Variants in ELANE observed in about 807,000 individuals in gnomAD.
ELANE encodes the protein elastase, neutrophil expressed.
Under a neutral mutation model 20.6 loss-of-function variants are expected in ELANE, and 12 were observed. The ratio of observed to expected loss-of-function variants is 0.58; its 90% CI spans 0.37 to 0.94. The LOEUF is 0.94. Ranked by LOEUF, ELANE falls within the 40% of genes least tolerant of loss-of-function variation. The pLI is 0.01. For missense variants in ELANE, 388 were observed against 395.2 expected (o/e 0.98, Z 0.15); for synonymous variants, 203 against 177.4 (o/e 1.14, Z -1.15).
chr19:852,431 T>A, intron 1 of ELANE, 36 bp downstream of exon 1: 1 of 1,595,364 alleles, frequency 6.3e-7, no homozygotes, highest in Non-Finnish European at 8.5e-7. Context: ...CTGCTCCCTC[T>A]GTCCCGGGTT....
chr19:852,547 G>C lies in ELANE; in HGVS notation c.67+152G>C, dbSNP rs962839064. ...ACCAGAAGAGACTGAGGTTCTGAGCGGTGAAGCCACCACCAGGAGCCCAGA... is the reference window on the plus strand; with the variant it reads ...ACCAGAAGAGACTGAGGTTCTGAGCCGTGAAGCCACCACCAGGAGCCCAGA... On this transcript the variant is annotated intron_variant, in intron 1 of 4. Transcript: ENST00000263621. 6.6e-6 allele frequency: 6 copies of C among 912,112 alleles called. No homozygotes were observed. In the African/African-American group the frequency reaches 7.0e-5, roughly 11 times the overall value. The allele number at this position is 912,112 out of a possible 1,614,324, so 56.5% of individuals were successfully genotyped here.
At position 853,293 on chromosome 19, in the gene ELANE, G is replaced by T. The variant is rs1599291445; in HGVS notation, c.256G>T (p.Ala86Ser). The change falls in exon 3 of 5, where the codon GCC becomes TCC. Residue 86 changes from alanine to serine, a missense_variant. Transcript: ENST00000263621. ...CCGCGCGGTGCGGGTGGTCCTGGGA[G>T]CCCATAACCTCTCGCGGCGGGAGCC... is the stretch of plus-strand genomic sequence containing the variant. ...NVRAVRVVLGAHNLSRREPTR... is the reference protein window; with the variant it reads ...NVRAVRVVLGSHNLSRREPTR... 1 of 1,609,890 alleles carries T rather than the reference G, an allele frequency of 6.2e-7. No individual in the cohort carries two copies. The highest frequency in any genetic ancestry group is 8.5e-7 in the Non-Finnish European group (1 of 1,178,568).
At chr19:853,063 C>T in intron 2 of ELANE, 31 bp downstream of exon 2, 1 of 1,493,680 alleles carries the variant, frequency 6.7e-7, no homozygotes, top group Non-Finnish European at 8.9e-7. Flanking sequence ...GCGCCCGGCT[C>T]GGACCCCGCG....
intron 3 of ELANE, among the ~76,000 whole-genome samples, chr19:854,594 T>C (rs1450221213): frequency 6.6e-6 from 1 of 150,632 alleles, no homozygotes; most frequent in Non-Finnish European, 1.5e-5. Context: ...GGGGGGTAGC[T>C]GGAACCACAG....
At position 852,926 on chromosome 19, in the gene ELANE, G is replaced by A. The variant is rs1004780968; in HGVS notation, c.118G>A (p.Ala40Thr). ...IVGGRRARPH[A>T]WPFMVSLQLR... The stretch of plus-strand genomic sequence containing the variant: ...GGGGGGCCGGCGAGCGCGGCCCCAC[G>A]CGTGGCCCTTCATGGTGTCCCTGCA... The change falls in exon 2 of 5, where the codon GCG becomes ACG. Residue 40 changes from alanine to threonine, a missense_variant. Transcript: ENST00000263621. The A allele has an allele frequency of 3.8e-6, 6 of 1,596,838 alleles. No homozygotes were observed. Among genetic ancestry groups the A allele is most frequent in the Non-Finnish European group, 4.2e-6 (5 of 1,177,566 alleles).
At position 855,011 on chromosome 19, in the gene ELANE, G is replaced by A. The variant is rs907503607; in HGVS notation, c.367-553G>A. ...TGGGACTACAGGCGCCCGCCACCAC[G>A]CCTGGCTAATTTTTGGTATTGTTAG... On this transcript the variant is annotated intron_variant, in intron 3 of 4. Coordinates refer to ENST00000263621, the MANE Select transcript of ELANE (RefSeq NM_001972.4). The surrounding 1 kb of genome is among the most constrained non-coding windows in gnomAD (Gnocchi z 6.2). 2.0e-5 allele frequency among the ~76,000 whole-genome samples: 3 copies of A among 151,672 alleles called. No homozygotes were observed. Among genetic ancestry groups the A allele is most frequent in the Non-Finnish European group, 2.9e-5 (2 of 67,918 alleles).
intron 2 of ELANE, 62 bp downstream of exon 2, chr19:853,094 G>A (rs867165533): frequency 5.3e-6 from 8 of 1,517,106 alleles, no homozygotes; most frequent in Admixed American, 2.0e-5. Flanking sequence ...TGAGGTGGGT[G>A]GGGGGAGGCC....
rs747957936 is a variant in ELANE at position 856,132 on chromosome 19, C to A, written c.772C>A (p.Arg258=). 1 of 1,612,892 alleles carries A rather than the reference C, an allele frequency of 6.2e-7. No individual in the cohort carries two copies. Among genetic ancestry groups the A allele is most frequent in the Non-Finnish European group, 8.5e-7 (1 of 1,180,040 alleles). ...RSEDNPCPHP[R]DPDPASRTH ...CGAGGACAACCCCTGTCCCCACCCCCGGGACCCGGACCCGGCCAGCAGGAC... is the reference window on the plus strand; with the variant it reads ...CGAGGACAACCCCTGTCCCCACCCCAGGGACCCGGACCCGGCCAGCAGGAC... Residue 258 remains arginine, a synonymous_variant, in exon 5 of 5, where the codon CGG becomes AGG. Coordinates refer to ENST00000263621, the MANE Select transcript of ELANE (RefSeq NM_001972.4).
rs182347433 is a variant in ELANE at position 852,344 on chromosome 19, C to A, written c.16C>A (p.Arg6=). ...CAGCCCCACCATGACCCTCGGCCGCCGACTCGCGTGTCTTTTCCTCGCCTG... is the reference window on the plus strand; with the variant it reads ...CAGCCCCACCATGACCCTCGGCCGCAGACTCGCGTGTCTTTTCCTCGCCTG... MTLGR[R]LACLFLACVL... The change falls in exon 1 of 5, where the codon CGA becomes AGA. Residue 6 remains arginine (R), a synonymous_variant. Transcript: ENST00000263621. 3.6e-4 allele frequency: 585 copies of A among 1,610,522 alleles called. 7 individuals are homozygous for A. In the East Asian group the frequency reaches 0.011, roughly 30 times the overall value.
chr19:856,005 T>C lies in ELANE; in HGVS notation c.645T>C (p.Ile215=). ...PLVCNGLIHG[I]ASFVRGGCAS... ...TCTGCAACGGGCTAATCCACGGAATTGCCTCCTTCGTCCGGGGAGGCTGCG... is the reference window on the plus strand; with the variant it reads ...TCTGCAACGGGCTAATCCACGGAATCGCCTCCTTCGTCCGGGGAGGCTGCG... The change falls in exon 5 of 5, where the codon ATT becomes ATC. Residue 215 remains isoleucine, a synonymous_variant. Transcript: ENST00000263621. The C allele has an allele frequency of 2.5e-6, 4 of 1,613,492 alleles. No homozygotes were observed. The highest frequency in any genetic ancestry group is 2.5e-6 in the Non-Finnish European group (3 of 1,180,028).
In ELANE at chr19:856,211, G is replaced by T. The variant is rs1285362005; in HGVS notation, c.*47G>T. The T allele has an allele frequency of 6.3e-7, 1 of 1,592,864 alleles. No homozygotes were observed. The highest frequency in any genetic ancestry group is 1.7e-5 in the Admixed American group (1 of 59,966). On this transcript the variant is annotated 3_prime_UTR_variant, in exon 5 of 5. Transcript: ENST00000263621. ...CAGCTGCCCACACCCACACTCTCCAGCATCTGGCACAATAAACATTCTCTG... is the reference window on the plus strand; with the variant it reads ...CAGCTGCCCACACCCACACTCTCCATCATCTGGCACAATAAACATTCTCTG...
Position 855,853 on chromosome 19 carries a change from A to G in ELANE, c.597+59A>G. ...CGCTCCCAGCCCGGACTGCAGCAAC[A>G]GGCACCGTGGCTAGACCCTAGGAGG... On this transcript the variant is annotated intron_variant, in intron 4 of 4. Coordinates refer to ENST00000263621, the MANE Select transcript of ELANE (RefSeq NM_001972.4). The surrounding 1 kb of genome is among the most constrained non-coding windows in gnomAD (Gnocchi z 6.2). The G allele has an allele frequency of 1.9e-6, 3 of 1,604,316 alleles. No individual in the cohort carries two copies. The highest frequency in any genetic ancestry group is 2.5e-6 in the Non-Finnish European group (3 of 1,177,700).
In ELANE at chr19:853,116, TGCTGGCGGGGGGGGGTCCGTCCAGGGCC is replaced by T. The variant is rs2035620203; in HGVS notation, c.224+85_224+112del. ...GGTGGGGGGAGGCCGGGGCCGGGGCTGCTGGCGGGGGGGGGTCCGTCCAGGGCCCGCGGGGCCCCTCGAGCACCTTCGC... is the reference window on the plus strand; with the variant it reads ...GGTGGGGGGAGGCCGGGGCCGGGGCTCGCGGGGCCCCTCGAGCACCTTCGC... On this transcript the variant is annotated intron_variant, in intron 2 of 4. Transcript: ENST00000263621. The T allele has an allele frequency of 2.1e-6, 3 of 1,402,364 alleles. No homozygotes were observed. The South Asian group carries it at 4.0e-5, about 19-fold the overall frequency. 86.9% of individuals were successfully genotyped at this position (1,402,364 alleles called of 1,614,324 possible).
intron 1 of ELANE, 105 bp downstream of exon 1, chr19:852,500 A>C: frequency 7.3e-7 from 1 of 1,361,560 alleles, no homozygotes; most frequent in Non-Finnish European, 1.0e-6. Flanking sequence ...CTCACAGGGG[A>C]GGTGCCAGCT....
In ELANE at chr19:856,086, C is replaced by G; in HGVS notation, c.726C>G (p.Ile242Met). 2 of 1,613,362 alleles carry G rather than the reference C, an allele frequency of 1.2e-6. No individual in the cohort carries two copies. The highest frequency in any genetic ancestry group is 1.7e-6 in the Non-Finnish European group (2 of 1,180,014). The part of the protein sequence containing the change: ...FAPVAQFVNW[I>M]DSIIQRSEDN... Reference sequence around the variant, plus strand: ...CGGTGGCACAGTTTGTAAACTGGATCGACTCTATCATCCAACGCTCCGAGG... The same window carrying G: ...CGGTGGCACAGTTTGTAAACTGGATGGACTCTATCATCCAACGCTCCGAGG... Residue 242 changes from isoleucine to methionine, a missense_variant, in exon 5 of 5, where the codon ATC becomes ATG. Physicochemically the swap from Ile to Met is conservative, Grantham distance 10. Around this residue, in one of 3 missense-constraint regions of ELANE, gnomAD observed 321 missense variants for 309.8 expected, o/e 1.04. Transcript: ENST00000263621.
At position 855,811 on chromosome 19, in the gene ELANE, T is replaced by G. The variant is rs1201624279; in HGVS notation, c.597+17T>G. 2.5e-6 allele frequency: 4 copies of G among 1,607,458 alleles called. No individual in the cohort carries two copies. The highest frequency in any genetic ancestry group is 3.4e-6 in the Non-Finnish European group (4 of 1,179,704). On this transcript the variant is annotated intron_variant, in intron 4 of 4. Transcript: ENST00000263621. The surrounding 1 kb of genome is among the most constrained non-coding windows in gnomAD (Gnocchi z 6.2). ...GTCTGTTTCGTACGTGCCCTGGGTG[T>G]CCCTCTGCTCCCCACCCGCTCCCAG...
chr19:852,926 G>C lies in ELANE; in HGVS notation c.118G>C (p.Ala40Pro). ...IVGGRRARPH[A>P]WPFMVSLQLR... The stretch of plus-strand genomic sequence containing the variant: ...GGGGGGCCGGCGAGCGCGGCCCCAC[G>C]CGTGGCCCTTCATGGTGTCCCTGCA... The change falls in exon 2 of 5, where the codon GCG becomes CCG. Residue 40 changes from alanine (A) to proline (P), a missense_variant. By Grantham distance (27) the Ala-to-Pro change is conservative. Around this residue, in one of 3 missense-constraint regions of ELANE, gnomAD observed 58 missense variants for 56.7 expected, o/e 1.02. Coordinates refer to ENST00000263621, the MANE Select transcript of ELANE (RefSeq NM_001972.4). The C allele has an allele frequency of 6.3e-7, 1 of 1,596,956 alleles. No homozygotes were observed. Among genetic ancestry groups the C allele is most frequent in the Non-Finnish European group, 8.5e-7 (1 of 1,177,558 alleles).
Position 855,828 on chromosome 19 carries a change from C to A in ELANE, c.597+34C>A, listed in dbSNP as rs200731979. 6.2e-7 allele frequency: 1 copy of A among 1,606,172 alleles called. No homozygotes were observed. Among genetic ancestry groups the A allele is most frequent in the Admixed American group, 1.7e-5 (1 of 59,902 alleles). On this transcript the variant is annotated intron_variant, in intron 4 of 4. Coordinates refer to ENST00000263621, the MANE Select transcript of ELANE (RefSeq NM_001972.4). The surrounding 1 kb of genome is among the most constrained non-coding windows in gnomAD (Gnocchi z 6.2). ...CCTGGGTGTCCCTCTGCTCCCCACC[C>A]GCTCCCAGCCCGGACTGCAGCAACA... is the stretch of plus-strand genomic sequence containing the variant.
intron 3 of ELANE, 126 bp downstream of exon 3, chr19:853,529 T>G: frequency 8.7e-7 from 1 of 1,145,410 alleles, no homozygotes; most frequent in Non-Finnish European, 1.2e-6. Flanking sequence ...GGCTGGGTGG[T>G]CCCCTCTCCG....
Sources: allele counts gnomAD v4.1 joint callset (sites outside exome capture counted in the v4.1 genomes callset), GRCh38; gene constraint gnomAD v4.1.1; regional missense constraint gnomAD v4.1.1; non-coding constraint Gnocchi (gnomAD v3.1); transcripts MANE v1.5; gene names NCBI Gene and HGNC (gene_info 2026-07-23, HGNC 2026-07-21).